STK38L: variants seen among roughly 807,000 people sequenced by gnomAD.
The protein encoded by STK38L is serine/threonine kinase 38 like, also known as serine/threonine-protein kinase 38-like.
STK38L carries 28 observed loss-of-function variants against 59.7 expected under a neutral mutation model. The ratio of observed to expected loss-of-function variants is 0.47; its 90% CI spans 0.35 to 0.64. The LOEUF (loss-of-function observed/expected upper bound fraction) is 0.64. Ranked by LOEUF, STK38L falls within the 30% of genes least tolerant of loss-of-function variation. STK38L has a pLI of 0.01. For synonymous variants in STK38L, 162 were observed against 176.8 expected (o/e 0.92, Z 0.66); for missense variants, 314 against 555.8 (o/e 0.56, Z 4.37).
rs1444155862 is a variant in STK38L at position 27,323,707 on chromosome 12, A to C, written c.*1252A>C. The C allele has an allele frequency of 1.3e-5, 2 of 152,590 alleles. No homozygotes were observed. Among genetic ancestry groups the C allele is most frequent in the East Asian group, 1.9e-4 (1 of 5,202 alleles). 9.5% of individuals were successfully genotyped at this position (152,590 alleles called of 1,614,324 possible). A position where few individuals can be genotyped will look rare whatever the true frequency, so the allele number is the denominator to read the frequency against. On this transcript the variant is annotated 3_prime_UTR_variant, in exon 14 of 14. Coordinates refer to ENST00000389032, the MANE Select transcript of STK38L (RefSeq NM_015000.4). Reference sequence around the variant, plus strand: ...CACTGTGGTGAATATAGATGGAATTAAGGAAGTAAATGCAGGCCAGGGGGT... The same window carrying C: ...CACTGTGGTGAATATAGATGGAATTCAGGAAGTAAATGCAGGCCAGGGGGT...
intron 1 of STK38L, among the ~76,000 whole-genome samples, chr12:27,284,634 C>T (rs1943730711): frequency 6.6e-6 from 1 of 152,142 alleles, no homozygotes; most frequent in African/African-American, 2.4e-5. Flanking sequence ...TACAGGATAT[C>T]CTTGATGACA....
At position 27,247,023 on chromosome 12, in the gene STK38L, T is replaced by G. The variant is rs147010433; in HGVS notation, c.-12+2691T>G. 7.5e-4 allele frequency among the ~76,000 whole-genome samples: 114 copies of G among 152,230 alleles called. 1 individual carries two copies. Among genetic ancestry groups the G allele is most frequent in the African/African-American group, 2.7e-3 (111 of 41,524 alleles). On this transcript the variant is annotated intron_variant, in intron 1 of 13. Coordinates refer to ENST00000389032, the MANE Select transcript of STK38L (RefSeq NM_015000.4). ...TATGAGGAAGCCAAGGAGGGAGGGATTAAGTGCTGCTAGACCAATTAAGGA... is the reference window on the plus strand; with the variant it reads ...TATGAGGAAGCCAAGGAGGGAGGGAGTAAGTGCTGCTAGACCAATTAAGGA...
chr12:27,290,149 T>TACAAG (rs1220202749), intron 1 of STK38L, among the ~76,000 whole-genome samples: 2 of 152,240 alleles, frequency 1.3e-5, no homozygotes, highest in African/African-American at 4.8e-5. Flanking sequence ...TCTCAGTCCT[T>TACAAG]TTACAAGTAC....
At chr12:27,307,026 G>A (rs1944334924) in intron 3 of STK38L, among the ~76,000 whole-genome samples, 1 of 152,092 alleles carries the variant, frequency 6.6e-6, no homozygotes, top group Non-Finnish European at 1.5e-5. Context: ...ACCACACCCG[G>A]CTTATCGCCT....
intron 2 of STK38L, among the ~76,000 whole-genome samples, chr12:27,301,857 C>T (rs1284110628): frequency 6.6e-6 from 1 of 151,962 alleles, no homozygotes; most frequent in Admixed American, 6.6e-5. Flanking sequence ...CAGAGTTTTC[C>T]ATATTAGAAC....
chr12:27,294,031 T>C (rs1477780278), intron 1 of STK38L, among the ~76,000 whole-genome samples: 1 of 152,230 alleles, frequency 6.6e-6, no homozygotes, highest in South Asian at 2.1e-4. Flanking sequence ...TGTTGCTCTT[T>C]AATGGTACTT....
rs139283050 is a variant in STK38L at position 27,316,071 on chromosome 12, C to T, written c.837+721C>T. Among the ~76,000 whole-genome samples, 931 of 152,092 alleles carry T rather than the reference C, an allele frequency of 6.1e-3. 16 individuals carry two copies. Among genetic ancestry groups the T allele is most frequent in the African/African-American group, 0.021 (859 of 41,468 alleles). On this transcript the variant is annotated intron_variant, in intron 9 of 13. Transcript: ENST00000389032. Reference sequence around the variant, plus strand: ...GGACACTCTATAAATACTTGTTCAACCAAATGATGAAAGGAAAACTAATTC... The same window carrying T: ...GGACACTCTATAAATACTTGTTCAATCAAATGATGAAAGGAAAACTAATTC...
intron 1 of STK38L, among the ~76,000 whole-genome samples, chr12:27,262,288 GTC>G (rs1260118580): frequency 6.6e-6 from 1 of 152,074 alleles, no homozygotes; most frequent in Non-Finnish European, 1.5e-5. Context: ...TACAAATTAT[GTC>G]TTTAAAGTAA....
At chr12:27,281,890 G>T (rs1275337178) in intron 1 of STK38L, among the ~76,000 whole-genome samples, 2 of 152,010 alleles carry the variant, frequency 1.3e-5, no homozygotes. Flanking sequence ...CAAAAAATCA[G>T]CCGGGCGTGA....
At chr12:27,269,237 G>T (rs974277117) in intron 1 of STK38L, among the ~76,000 whole-genome samples, 1 of 152,102 alleles carries the variant, frequency 6.6e-6, no homozygotes, top group African/African-American at 2.4e-5. Context: ...TTCTTCTAGG[G>T]TTTTTATGGT....
intron 3 of STK38L, among the ~76,000 whole-genome samples, chr12:27,305,511 C>G (rs1241587886): frequency 7.2e-6 from 1 of 139,674 alleles, no homozygotes; most frequent in African/African-American, 2.5e-5. Flanking sequence ...TAGACAAGCT[C>G]TCTCAACCTT....
intron 1 of STK38L, among the ~76,000 whole-genome samples, chr12:27,251,201 G>C (rs1410901336): frequency 6.6e-6 from 1 of 151,918 alleles, no homozygotes; most frequent in African/African-American, 2.4e-5. Context: ...TTGCATGTCA[G>C]ACATAAATTC....
intron 1 of STK38L, among the ~76,000 whole-genome samples, chr12:27,279,479 C>G (rs1171417771): frequency 1.3e-5 from 2 of 151,980 alleles, no homozygotes; most frequent in Non-Finnish European, 2.9e-5. Context: ...AATCCCACCA[C>G]TTTGGGAGGC....
chr12:27,304,399 A>C (rs1944257592), intron 3 of STK38L, among the ~76,000 whole-genome samples: 1 of 152,106 alleles, frequency 6.6e-6, no homozygotes, highest in South Asian at 2.1e-4. Flanking sequence ...GCAATGTTTA[A>C]ATCAAATACA....
chr12:27,259,846 C>T (rs1451332585), intron 1 of STK38L, among the ~76,000 whole-genome samples: 4 of 152,164 alleles, frequency 2.6e-5, no homozygotes, highest in Non-Finnish European at 2.9e-5. Context: ...CTTTTATAGG[C>T]ATCCATGTTA....
Position 27,314,489 on chromosome 12 carries a change from C to A in STK38L, c.518-15C>A. ...GCATTTTCAATAATAATATATTTGA[C>A]TATCCTTTATTTAGGTGACATGATG... On this transcript the variant is annotated splice_polypyrimidine_tract_variant and intron_variant, in intron 6 of 13. Transcript: ENST00000389032. 1 of 1,501,154 alleles carries A rather than the reference C, an allele frequency of 6.7e-7. No individual in the cohort carries two copies. The highest frequency in any genetic ancestry group is 8.9e-7 in the Non-Finnish European group (1 of 1,122,062). 93.0% of individuals were successfully genotyped at this position (1,501,154 alleles called of 1,614,324 possible).
intron 1 of STK38L, among the ~76,000 whole-genome samples, chr12:27,267,933 T>C (rs930085779): frequency 6.6e-6 from 1 of 152,236 alleles, no homozygotes; most frequent in Non-Finnish European, 1.5e-5. Context: ...TTGTTTGTGT[T>C]TTTCTTATAT....
At chr12:27,286,032 A>G (rs919067421) in intron 1 of STK38L, among the ~76,000 whole-genome samples, 1 of 152,192 alleles carries the variant, frequency 6.6e-6, no homozygotes, top group African/African-American at 2.4e-5. Flanking sequence ...TTGCCCTAAA[A>G]GCTCAAGATA....
At chr12:27,288,721 T>G (rs1252934654) in intron 1 of STK38L, among the ~76,000 whole-genome samples, 1 of 151,650 alleles carries the variant, frequency 6.6e-6, no homozygotes, top group African/African-American at 2.4e-5. Context: ...ATATATATAT[T>G]TATAAATTTG....
Sources: gnomAD v4.1 joint callset for allele counts (sites outside exome capture counted in the v4.1 genomes callset) on GRCh38, gnomAD v4.1.1 for gene constraint, MANE v1.5 for transcripts, NCBI Gene and HGNC (gene_info 2026-07-23, HGNC 2026-07-21) for gene names.